CDH4: variants seen among roughly 807,000 people sequenced by gnomAD.
CDH4 encodes cadherin-4.
In CDH4, 33 loss-of-function variants were observed where a neutral mutation model predicts 86.0. The ratio of observed to expected loss-of-function variants is 0.38; its 90% CI spans 0.29 to 0.51. CDH4 has a LOEUF of 0.51. Ranked by LOEUF, CDH4 falls within the 20% of genes least tolerant of loss-of-function variation. The pLI is 0.86. For synonymous variants in CDH4, 555 were observed against 549.4 expected (o/e 1.01, Z -0.14); for missense variants, 1,114 against 1,307.4 (o/e 0.85, Z 2.28).
intron 4 of CDH4, among the ~76,000 whole-genome samples, chr20:61,813,344 AC>A (rs1440035484): frequency 1.3e-5 from 2 of 152,078 alleles, no homozygotes; most frequent in Non-Finnish European, 2.9e-5. Flanking sequence ...GTACTTAGCT[AC>A]CAAGCACTGG....
chr20:61,514,862 G>A (rs2085806933), intron 2 of CDH4, among the ~76,000 whole-genome samples: 1 of 152,208 alleles, frequency 6.6e-6, no homozygotes, highest in Admixed American at 6.5e-5. Flanking sequence ...TCACTGTAAT[G>A]TTTTCTACAA....
At chr20:61,603,939 G>T (rs1162975169) in intron 2 of CDH4, among the ~76,000 whole-genome samples, 1 of 152,118 alleles carries the variant, frequency 6.6e-6, no homozygotes, top group Admixed American at 6.5e-5. Flanking sequence ...ACACATGCAT[G>T]CACATAGGCA....
chr20:61,897,945 C>T (rs1243614051), intron 8 of CDH4, among the ~76,000 whole-genome samples: 1 of 152,240 alleles, frequency 6.6e-6, no homozygotes, highest in Non-Finnish European at 1.5e-5. Context: ...TTGGTCAGGC[C>T]GGCGGGGTGA....
intron 4 of CDH4, among the ~76,000 whole-genome samples, chr20:61,801,569 G>T (rs565330590): frequency 5.9e-5 from 9 of 152,172 alleles, no homozygotes; most frequent in Non-Finnish European, 1.2e-4. Context: ...GGTGCTGGAG[G>T]TCAGAGTCAG....
chr20:61,680,716 G>T (rs1404878824), intron 2 of CDH4, among the ~76,000 whole-genome samples: 1 of 152,134 alleles, frequency 6.6e-6, no homozygotes, highest in Non-Finnish European at 1.5e-5. Flanking sequence ...GCTGTTTCTG[G>T]GATCGTGGTA....
intron 12 of CDH4, among the ~76,000 whole-genome samples, chr20:61,929,178 T>C (rs2055078498): frequency 6.6e-6 from 1 of 152,076 alleles, no homozygotes; most frequent in Non-Finnish European, 1.5e-5. Context: ...TTTGAGACTG[T>C]TGCCCAGGCA....
chr20:61,557,750 C>T (rs114697409), intron 2 of CDH4, among the ~76,000 whole-genome samples: 284 of 152,286 alleles, frequency 1.9e-3, no homozygotes, highest in African/African-American at 6.5e-3. Context: ...TCGTTAAGGG[C>T]GTGAACGTGC....
Position 61,608,266 on chromosome 20 carries a change from A to G in CDH4, c.170-135297A>G, listed in dbSNP as rs181568104. Among the ~76,000 whole-genome samples, 3 of 152,224 alleles carry G rather than the reference A, an allele frequency of 2.0e-5. No homozygotes were observed. In the South Asian group the frequency reaches 6.2e-4, roughly 32 times the overall value. The stretch of plus-strand genomic sequence containing the variant: ...GAGCAAATTTATTTCTAAGCCACGC[A>G]GGTTGGCAGGGAAATATCTTGATGT... On this transcript the variant is annotated intron_variant, in intron 2 of 15. Coordinates refer to ENST00000614565, the MANE Select transcript of CDH4 (RefSeq NM_001794.5).
At chr20:61,662,040 C>A (rs558108695) in intron 2 of CDH4, among the ~76,000 whole-genome samples, 17 of 152,272 alleles carry the variant, frequency 1.1e-4, no homozygotes, top group Non-Finnish European at 2.4e-4. Flanking sequence ...GTTGGAATGT[C>A]ACATCCTATC....
At chr20:61,286,474 T>C (rs2084293851) in intron 2 of CDH4, among the ~76,000 whole-genome samples, 1 of 152,244 alleles carries the variant, frequency 6.6e-6, no homozygotes, top group African/African-American at 2.4e-5. Context: ...GGCATGTTCT[T>C]TCCATGCTAC....
intron 2 of CDH4, among the ~76,000 whole-genome samples, chr20:61,444,265 G>GTGTGTCTCCGTGTGTCTT (rs1568847247): frequency 0.48 from 301 of 628 alleles, 146 homozygotes; most frequent in South Asian, 0.73. Flanking sequence ...GTATCTATGT[G>GTGTGTCTCCGTGTGTCTT]TGTGTGTGTA....
At chr20:61,806,051 C>G (rs769004533) in intron 4 of CDH4, among the ~76,000 whole-genome samples, 117 of 152,284 alleles carry the variant, frequency 7.7e-4, no homozygotes, top group Admixed American at 1.4e-3. Context: ...TCTGTGGCAC[C>G]CAGTACTGAA....
chr20:61,828,505 TC>T (rs1981428189), intron 4 of CDH4, among the ~76,000 whole-genome samples: 1 of 152,220 alleles, frequency 6.6e-6, no homozygotes, highest in African/African-American at 2.4e-5. Flanking sequence ...GGGAGGAACC[TC>T]TAAATTCAAG....
chr20:61,474,602 T>C (rs2085524530), intron 2 of CDH4, among the ~76,000 whole-genome samples: 1 of 152,180 alleles, frequency 6.6e-6, no homozygotes, highest in Non-Finnish European at 1.5e-5. Context: ...AAGAAGGCTC[T>C]ACTTAAACAG....
chr20:61,832,076 C>T (rs1255038368), intron 4 of CDH4, among the ~76,000 whole-genome samples: 2 of 152,234 alleles, frequency 1.3e-5, no homozygotes, highest in African/African-American at 4.8e-5. Flanking sequence ...GGTAGATGTA[C>T]CCATTCCAAC....
intron 4 of CDH4, among the ~76,000 whole-genome samples, chr20:61,823,931 T>C (rs1361144089): frequency 6.6e-6 from 1 of 152,204 alleles, no homozygotes; most frequent in Non-Finnish European, 1.5e-5. Context: ...GTAAAAGGCA[T>C]GTTTTATTGA....
rs1159529594 is a variant in CDH4, at chr20:61,779,827, G to A, written c.576+6645G>A. On this transcript the variant is annotated intron_variant, in intron 4 of 15. Coordinates refer to ENST00000614565, the MANE Select transcript of CDH4 (RefSeq NM_001794.5). ...GGTGCCGGAGACCCCTCTCTGGCCC[G>A]TGGCAGGGGCCCCATAAAAGTTGAT... Among the ~76,000 whole-genome samples the A allele has an allele frequency of 3.3e-5, 5 of 152,364 alleles. No individual in the cohort carries two copies. In the South Asian group the frequency reaches 6.2e-4, roughly 19 times the overall value.
At chr20:61,645,490 G>A (rs113456601) in intron 2 of CDH4, among the ~76,000 whole-genome samples, 8,772 of 152,114 alleles carry the variant, frequency 0.058, 296 homozygotes, top group Middle Eastern at 0.078. Flanking sequence ...AGTTAACCAG[G>A]TATGGTGGCA....
intron 2 of CDH4, among the ~76,000 whole-genome samples, chr20:61,541,585 G>A (rs1193321726): frequency 1.3e-5 from 2 of 152,182 alleles, no homozygotes; most frequent in African/African-American, 2.4e-5. Flanking sequence ...AATAAGACCG[G>A]TGTAGAAAAG....
Sources: allele counts gnomAD v4.1 joint callset (sites outside exome capture counted in the v4.1 genomes callset), GRCh38; gene constraint gnomAD v4.1.1; transcripts MANE v1.5; gene names NCBI Gene and HGNC (gene_info 2026-07-23, HGNC 2026-07-21).